SORL1: variants seen among roughly 807,000 people sequenced by gnomAD.
SORL1 encodes sortilin-related receptor.
In SORL1, 127 loss-of-function variants were observed where a neutral mutation model predicts 273.7. The observed-to-expected ratio is 0.46, with a 90% CI of 0.40 to 0.54. SORL1 has a LOEUF of 0.54. Among genes scored for constraint, SORL1 ranks in the 20% least tolerant of loss-of-function variants. SORL1 has a pLI of 0.00. For synonymous variants in SORL1, 1,031 were observed against 1,067.4 expected (o/e 0.97, Z 0.66); for missense variants, 2,494 against 2,846.1 (o/e 0.88, Z 2.81).
chr11:121,589,515 C>T, intron 29 of SORL1, 125 bp downstream of exon 29: 1 of 1,163,280 alleles, frequency 8.6e-7, no homozygotes, highest in Non-Finnish European at 1.3e-6. Flanking sequence ...GCAGCAGTTG[C>T]TGCCAGTTCC....
chr11:121,565,170 A>G (rs2134918973), intron 21 of SORL1, among the ~76,000 whole-genome samples: 1 of 152,236 alleles, frequency 6.6e-6, no homozygotes, highest in African/African-American at 2.4e-5. Context: ...ATGATTGATT[A>G]TTTACTGAAC....
chr11:121,539,617 A>AT (rs146575930), intron 12 of SORL1, among the ~76,000 whole-genome samples: 1 of 151,160 alleles, frequency 6.6e-6, no homozygotes, highest in Admixed American at 6.6e-5. Context: ...TTTTTTTTCT[A>AT]TTTTTTTTAG....
At chr11:121,535,057 C>T (rs1429631713) in intron 12 of SORL1, among the ~76,000 whole-genome samples, 2 of 151,694 alleles carry the variant, frequency 1.3e-5, no homozygotes, top group Non-Finnish European at 2.9e-5. Flanking sequence ...TGAAATAGGT[C>T]ATGCATACTT....
chr11:121,605,176 C>G lies in SORL1; in HGVS notation c.4715C>G (p.Thr1572Ser). 1 of 1,613,778 alleles carries G rather than the reference C, an allele frequency of 6.2e-7. No individual in the cohort carries two copies. Among genetic ancestry groups the G allele is most frequent in the Non-Finnish European group, 8.5e-7 (1 of 1,179,690 alleles). ...QWTADFSGDV[T>S]LTWMRPKKMP... is the part of the protein sequence containing the mutation. ...ACAGCTGACTTCTCTGGGGATGTGACTTTGACCTGGATGAGGCCCAAAAAA... is the reference window on the plus strand; with the variant it reads ...ACAGCTGACTTCTCTGGGGATGTGAGTTTGACCTGGATGAGGCCCAAAAAA... The change falls in exon 34 of 48, where the codon ACT (threonine) becomes AGT (serine). Residue 1572 changes from threonine (T) to serine (S), a missense_variant. Around this residue, in one of 3 missense-constraint regions of SORL1, gnomAD observed 1,609 missense variants for 1,816.4 expected, o/e 0.89. Coordinates refer to ENST00000260197, the MANE Select transcript of SORL1 (RefSeq NM_003105.6).
intron 10 of SORL1, 91 bp from the exon 11 acceptor site, chr11:121,522,820 CTTAGT>C: frequency 7.3e-7 from 1 of 1,366,160 alleles, no homozygotes; most frequent in Non-Finnish European, 1.0e-6. Flanking sequence ...TGAAAGCATT[CTTAGT>C]TGCTAGATAC....
At chr11:121,590,557 AT>A in intron 30 of SORL1, 1 of 550,772 alleles carries the variant, frequency 1.8e-6, no homozygotes. Flanking sequence ...TCCACAATGC[AT>A]TTGAGGAGCA....
At chr11:121,520,879 T>C (rs778470671) in intron 9 of SORL1, 30 bp downstream of exon 9, 72 of 1,515,066 alleles carry the variant, frequency 4.8e-5, no homozygotes, top group Non-Finnish European at 6.1e-5. Context: ...CTTTTGCTTT[T>C]TAATATAAAG....
intron 27 of SORL1, 58 bp downstream of exon 27, chr11:121,586,387 C>G (rs768145225): frequency 2.4e-6 from 3 of 1,263,198 alleles, no homozygotes; most frequent in East Asian, 2.3e-5. Context: ...GAGTGAAGAG[C>G]GTATATTGGA....
rs376265187 is a variant in SORL1 at position 121,627,573 on chromosome 11, C to T, written c.6383C>T (p.Thr2128Met). ...ELGSGADASATQAARSTDVAA... is the reference protein window; with the variant it reads ...ELGSGADASAMQAARSTDVAA... Reference sequence around the variant, plus strand: ...TTGGCAGGTGCAGATGCATCTGCAACGCAGGCTGCCAGATCTACGGATGTT... The same window carrying T: ...TTGGCAGGTGCAGATGCATCTGCAATGCAGGCTGCCAGATCTACGGATGTT... The change falls in exon 47 of 48, where the codon ACG becomes ATG. Residue 2128 changes from threonine to methionine, a missense_variant. By Grantham distance (81) the Thr-to-Met change is moderately conservative. Transcript: ENST00000260197. The surrounding 1 kb of genome is among the most constrained non-coding windows in gnomAD (Gnocchi z 4.9). 2.6e-5 allele frequency: 42 copies of T among 1,613,994 alleles called. No homozygotes were observed. The highest frequency in any genetic ancestry group is 1.6e-4 in the Middle Eastern group (1 of 6,084).
chr11:121,520,795 G>A lies in SORL1; in HGVS notation c.1350G>A (p.Trp450Ter). The A allele has an allele frequency of 1.2e-6, 2 of 1,611,996 alleles. No homozygotes were observed. The highest frequency in any genetic ancestry group is 1.7e-6 in the Non-Finnish European group (2 of 1,179,160). The change falls in exon 9 of 48, where the codon TGG becomes TGA. Residue 450 changes from tryptophan to a stop codon, truncating the protein, a stop_gained. Transcript: ENST00000260197. LOFTEE classifies it high-confidence loss of function. ...SVITFDKGGT[W>*]EFLQAPAFTG... ...TCACCTTTGACAAAGGGGGAACCTGGGAGTTTCTTCAGGCTCCAGCCTTCA... is the reference window on the plus strand; with the variant it reads ...TCACCTTTGACAAAGGGGGAACCTGAGAGTTTCTTCAGGCTCCAGCCTTCA...
At chr11:121,599,741 A>G (rs1326013144) in intron 32 of SORL1, among the ~76,000 whole-genome samples, 3 of 151,900 alleles carry the variant, frequency 2.0e-5, no homozygotes, top group East Asian at 1.9e-4. Flanking sequence ...GTTTGTCTTC[A>G]ATATAATTAA....
intron 39 of SORL1, chr11:121,611,440 G>A: frequency 3.7e-6 from 1 of 272,748 alleles, no homozygotes; most frequent in Non-Finnish European, 6.9e-6. Flanking sequence ...AAGAGTTGGT[G>A]TTAACAGAAT....
chr11:121,618,401 A>G (rs887008910), intron 41 of SORL1, among the ~76,000 whole-genome samples: 2 of 152,012 alleles, frequency 1.3e-5, no homozygotes, highest in African/African-American at 4.8e-5. Context: ...TGTGCTGCCA[A>G]TGGTAGAATG....
intron 1 of SORL1, among the ~76,000 whole-genome samples, chr11:121,456,915 G>A (rs1395792668): frequency 1.3e-5 from 2 of 152,224 alleles, no homozygotes; most frequent in Non-Finnish European, 2.9e-5. Context: ...ATTCTTCCAT[G>A]ATACACTTGC....
intron 26 of SORL1, among the ~76,000 whole-genome samples, chr11:121,584,910 T>A (rs1027597693): frequency 5.3e-5 from 8 of 152,192 alleles, no homozygotes; most frequent in Non-Finnish European, 1.0e-4. Flanking sequence ...GATTTTCAAG[T>A]CCAATGCCTG....
At chr11:121,590,371 T>G in intron 30 of SORL1, 197 bp downstream of exon 30, 1 of 569,610 alleles carries the variant, frequency 1.8e-6, no homozygotes, top group Non-Finnish European at 3.1e-6. Context: ...TCAGGCTATT[T>G]ATTCCGTATT....
At chr11:121,592,777 G>T (rs1437261707) in intron 31 of SORL1, among the ~76,000 whole-genome samples, 2 of 152,204 alleles carry the variant, frequency 1.3e-5, no homozygotes, top group African/African-American at 4.8e-5. Flanking sequence ...ACAAAACTTT[G>T]TGTCTGTCCT....
In SORL1 at chr11:121,585,699, G is replaced by A. The variant is rs140200602; in HGVS notation, c.3707-523G>A. On this transcript the variant is annotated intron_variant, in intron 26 of 47. Coordinates refer to ENST00000260197, the MANE Select transcript of SORL1 (RefSeq NM_003105.6). ...TTTGTGCATATATAAACAAATTTAA[G>A]TATACTCTGTATTATTGTCCTATTT... Among the ~76,000 whole-genome samples, 15 of 152,154 alleles carry A rather than the reference G, an allele frequency of 9.9e-5. No homozygotes were observed. The East Asian group carries it at 2.9e-3, about 29-fold the overall frequency.
chr11:121,568,954 T>C (rs1336107700), intron 22 of SORL1, among the ~76,000 whole-genome samples: 1 of 152,200 alleles, frequency 6.6e-6, no homozygotes, highest in Non-Finnish European at 1.5e-5. Context: ...TGTTACTTGT[T>C]GTGGGAAGTC....
Sources: gnomAD v4.1 joint callset for allele counts (sites outside exome capture counted in the v4.1 genomes callset) on GRCh38, gnomAD v4.1.1 for gene constraint, gnomAD v4.1.1 regional missense constraint, Gnocchi (gnomAD v3.1) non-coding constraint, MANE v1.5 for transcripts, NCBI Gene and HGNC (gene_info 2026-07-23, HGNC 2026-07-21) for gene names.